The following RAD17 variants were observed in gnomAD, a reference collection of about 807,000 sequenced individuals.
The protein encoded by RAD17 is cell cycle checkpoint protein RAD17.
Under a neutral mutation model 81.5 loss-of-function variants are expected in RAD17, and 31 were observed. The observed-to-expected ratio is 0.38, with a 90% confidence interval of 0.29 to 0.51. The LOEUF (loss-of-function observed/expected upper bound fraction) is 0.51. Ranked by LOEUF, RAD17 falls within the 20% of genes least tolerant of loss-of-function variation. RAD17 has a pLI of 0.88. For synonymous variants in RAD17, 261 were observed against 266.2 expected, an observed-to-expected ratio of 0.98 and a Z score of 0.19; for missense variants, 681 against 781.2, an observed-to-expected ratio of 0.87 and a Z score of 1.53.
intron 11 of RAD17, among the ~76,000 whole-genome samples, chr5:69,387,231 A>G (rs1408585066): frequency 6.6e-6 from 1 of 151,850 alleles, no homozygotes; most frequent in Non-Finnish European, 1.5e-5. Flanking sequence ...GCTTCTTTTC[A>G]CTTTTAGTAC....
Position 69,414,400 on chromosome 5 carries a change from T to C in RAD17, c.*108T>C. ...TTCTGATGAATTACACAACAGTTTG[T>C]TAATTCTTCATTCTTGTAGTATTTC... On this transcript the variant is annotated 3_prime_UTR_variant, in exon 19 of 19. Coordinates refer to ENST00000354868, the MANE Select transcript of RAD17 (RefSeq NM_133338.3). 8.1e-7 allele frequency: 1 copy of C among 1,235,740 alleles called. No homozygotes were observed. The highest frequency in any genetic ancestry group is 1.5e-5 in the South Asian group (1 of 68,026). The allele number at this position is 1,235,740 out of a possible 1,614,324, so 76.5% of individuals were successfully genotyped here.
chr5:69,410,508 T>C lies in RAD17; in HGVS notation c.1709T>C (p.Ile570Thr). ...PMRNQAQISF[I>T]QDIGRLPLKR... ...TCTGTTTCAGCTCAGATTTCTTTTA[T>C]CCAAGATATTGGAAGGCTCCCTCTG... is the stretch of plus-strand genomic sequence containing the variant. Residue 570 changes from isoleucine to threonine, a missense_variant, in exon 18 of 19, where the codon ATC (isoleucine) becomes ACC (threonine). Transcript: ENST00000354868. The C allele has an allele frequency of 1.2e-6, 2 of 1,613,110 alleles. No homozygotes were observed. Among genetic ancestry groups the C allele is most frequent in the Admixed American group, 3.3e-5 (2 of 59,954 alleles).
At chr5:69,401,709 C>T (rs1312278712) in intron 17 of RAD17, among the ~76,000 whole-genome samples, 1 of 151,862 alleles carries the variant, frequency 6.6e-6, no homozygotes, top group Admixed American at 6.6e-5. Context: ...AGTTTTTGGC[C>T]GGGTGCAGTG....
chr5:69,395,395 G>A (rs943352150), intron 15 of RAD17, among the ~76,000 whole-genome samples: 2 of 152,048 alleles, frequency 1.3e-5, no homozygotes, highest in Non-Finnish European at 2.9e-5. Flanking sequence ...ACCTGTAGTC[G>A]TAGCTACTTG....
chr5:69,375,334 T>TG (rs1462987783), intron 6 of RAD17, among the ~76,000 whole-genome samples: 2 of 152,198 alleles, frequency 1.3e-5, no homozygotes, highest in African/African-American at 4.8e-5. Context: ...GCAAATTACA[T>TG]GTTAGTTTCT....
intron 6 of RAD17, among the ~76,000 whole-genome samples, chr5:69,376,757 T>G (rs937469173): frequency 7.2e-5 from 3 of 41,452 alleles, no homozygotes; most frequent in Non-Finnish European, 3.5e-4. Context: ...AACAGATCCT[T>G]CTCTCTTTTT....
chr5:69,375,295 A>G (rs1275417854), intron 6 of RAD17, among the ~76,000 whole-genome samples: 1 of 152,224 alleles, frequency 6.6e-6, no homozygotes, highest in Non-Finnish European at 1.5e-5. Flanking sequence ...TATTTAGCAC[A>G]TCAGATTATC....
At chr5:69,369,515 C>G, upstream of RAD17, 1 of 1,611,126 alleles carries the variant, frequency 6.2e-7, no homozygotes, top group Non-Finnish European at 8.5e-7. Flanking sequence ...CGGCTTCGGG[C>G]GCCTCGCTCA....
intron 12 of RAD17, among the ~76,000 whole-genome samples, chr5:69,391,322 C>T (rs1764543950): frequency 6.6e-6 from 1 of 151,804 alleles, no homozygotes; most frequent in Non-Finnish European, 1.5e-5. Flanking sequence ...TTGCACATAA[C>T]ACGATGAGAA....
At chr5:69,382,200 G>A in intron 7 of RAD17, 143 bp downstream of exon 7, 3 of 928,452 alleles carry the variant, frequency 3.2e-6, no homozygotes, top group Non-Finnish European at 4.9e-6. Flanking sequence ...TGCGATGGCT[G>A]TCACATGGGA....
At chr5:69,387,481 A>G (rs549382893) in intron 11 of RAD17, among the ~76,000 whole-genome samples, 8 of 152,320 alleles carry the variant, frequency 5.3e-5, no homozygotes, top group African/African-American at 1.9e-4. Context: ...ACAGATATTA[A>G]TAGTGAAAAA....
chr5:69,386,786 T>G (rs1764238982), intron 11 of RAD17, among the ~76,000 whole-genome samples: 1 of 152,204 alleles, frequency 6.6e-6, no homozygotes, highest in Non-Finnish European at 1.5e-5. Context: ...CTTCCTATTG[T>G]CCTGTTGTCA....
intron 12 of RAD17, among the ~76,000 whole-genome samples, chr5:69,391,401 G>T (rs1428525965): frequency 6.6e-6 from 1 of 152,166 alleles, no homozygotes. Context: ...AAGGATTGCA[G>T]ATTTTTTTAA....
intron 17 of RAD17, among the ~76,000 whole-genome samples, chr5:69,406,880 G>A (rs1765635969): frequency 6.6e-6 from 1 of 151,330 alleles, no homozygotes; most frequent in African/African-American, 2.4e-5. Flanking sequence ...AACTCTGTGA[G>A]GTAATATATA....
intron 7 of RAD17, 89 bp from the exon 8 acceptor site, chr5:69,384,708 C>A: frequency 1.7e-6 from 2 of 1,180,428 alleles, no homozygotes; most frequent in Non-Finnish European, 2.4e-6. Context: ...TTGTGAGATG[C>A]ATCAAGTATG....
intron 17 of RAD17, among the ~76,000 whole-genome samples, chr5:69,406,367 G>C (rs568737572): frequency 6.6e-6 from 1 of 151,252 alleles, no homozygotes; most frequent in East Asian, 1.9e-4. Context: ...CACAGAATGG[G>C]ATTACCATGG....
chr5:69,379,600 A>T (rs997635026), intron 6 of RAD17, among the ~76,000 whole-genome samples: 5 of 152,146 alleles, frequency 3.3e-5, no homozygotes, highest in African/African-American at 1.2e-4. Context: ...CGGCTGTACA[A>T]AAATATTTTG....
At chr5:69,371,697 T>A (rs2150759918) in intron 3 of RAD17, 140 bp downstream of exon 3, 2 of 468,262 alleles carry the variant, frequency 4.3e-6, no homozygotes, top group African/African-American at 2.0e-5. Flanking sequence ...GCAAGTCTGG[T>A]AATAAGTTGT....
intron 7 of RAD17, among the ~76,000 whole-genome samples, chr5:69,382,418 C>T (rs1580376238): frequency 6.6e-6 from 1 of 152,092 alleles, no homozygotes; most frequent in African/African-American, 2.4e-5. Flanking sequence ...GTGCTCCAGC[C>T]TGGGCAACAG....
Sources: gnomAD v4.1 joint callset for allele counts (sites outside exome capture counted in the v4.1 genomes callset) on GRCh38, gnomAD v4.1.1 for gene constraint, MANE v1.5 for transcripts, NCBI Gene and HGNC (gene_info 2026-07-23, HGNC 2026-07-21) for gene names.